MCTP1: variants seen among roughly 807,000 people sequenced by gnomAD.
MCTP1 encodes multiple C2 and transmembrane domain-containing protein 1.
Under a neutral mutation model 120.6 loss-of-function variants are expected in MCTP1, and 69 were observed. That is an observed-to-expected ratio of 0.57 (90% confidence interval 0.47 to 0.70). The LOEUF (loss-of-function observed/expected upper bound fraction) is 0.70. Among genes scored for constraint, MCTP1 ranks in the 30% least tolerant of loss-of-function variants. MCTP1 has a pLI of 0.00. For missense variants in MCTP1, 1,203 were observed against 1,248.8 expected, an observed-to-expected ratio of 0.96 and a Z score of 0.55; for synonymous variants, 529 against 493.1, an observed-to-expected ratio of 1.07 and a Z score of -0.96.
intron 12 of MCTP1, among the ~76,000 whole-genome samples, chr5:94,873,876 A>ATT (rs34390357): frequency 3.4e-5 from 5 of 146,894 alleles, no homozygotes; most frequent in South Asian, 2.2e-4. Context: ...AAAGAGCAGT[A>ATT]TTTTTTTTTT....
chr5:94,947,577 T>TATAGAGAG, intron 3 of MCTP1, among the ~76,000 whole-genome samples: 25 of 47,398 alleles, frequency 5.3e-4, no homozygotes, highest in South Asian at 2.1e-3. Context: ...TATATATATA[T>TATAGAGAG]AGAGAGAGAG....
intron 1 of MCTP1, among the ~76,000 whole-genome samples, chr5:95,092,159 T>C (rs1349413618): frequency 1.3e-5 from 2 of 152,254 alleles, no homozygotes; most frequent in East Asian, 1.9e-4. Context: ...TGTGGTTTTA[T>C]GGTTTTTTTT....
Position 95,063,401 on chromosome 5 carries a change from C to T in MCTP1, c.721-45917G>A, listed in dbSNP as rs1405265336. On this transcript the variant is annotated intron_variant, in intron 1 of 22. Transcript: ENST00000515393. The stretch of plus-strand genomic sequence containing the variant: ...ACAGTAAACAAATCCATGGTGGTGA[C>T]GTGACTATTTTCTTAAAGAACATGT... 4.6e-5 allele frequency among the ~76,000 whole-genome samples: 7 copies of T among 152,264 alleles called. No homozygotes were observed. The East Asian group carries it at 9.6e-4, about 21-fold the overall frequency.
chr5:95,218,113 G>A (rs1753243811), intron 1 of MCTP1, among the ~76,000 whole-genome samples: 1 of 152,188 alleles, frequency 6.6e-6, no homozygotes, highest in South Asian at 2.1e-4. Flanking sequence ...GATGTCAGAG[G>A]AGAACAAGAA....
At chr5:94,932,213 TAA>T (rs368203326) in intron 5 of MCTP1, among the ~76,000 whole-genome samples, 41,513 of 95,958 alleles carry the variant, frequency 0.43, 8,068 homozygotes, top group Admixed American at 0.52. Context: ...TATTCCTTTG[TAA>T]AAAAAAAAAA....
chr5:94,915,484 T>C (rs1809807469), intron 8 of MCTP1, among the ~76,000 whole-genome samples: 1 of 152,222 alleles, frequency 6.6e-6, no homozygotes, highest in Non-Finnish European at 1.5e-5. Flanking sequence ...ATATTTCAGC[T>C]TGTTGAAGAA....
chr5:95,277,271 T>G (rs1288178982), intron 1 of MCTP1, among the ~76,000 whole-genome samples: 1 of 152,122 alleles, frequency 6.6e-6, no homozygotes, highest in Non-Finnish European at 1.5e-5. Flanking sequence ...GAGCACAATA[T>G]GGCAGCCACT....
intron 2 of MCTP1, among the ~76,000 whole-genome samples, chr5:95,011,830 T>C (rs1164332765): frequency 2.0e-5 from 3 of 152,158 alleles, no homozygotes; most frequent in Non-Finnish European, 4.4e-5. Context: ...TTTGCTGAAA[T>C]TGTCCCAGCT....
chr5:94,746,926 G>A (rs990362131), intron 19 of MCTP1, among the ~76,000 whole-genome samples: 1 of 152,134 alleles, frequency 6.6e-6, no homozygotes, highest in Non-Finnish European at 1.5e-5. Context: ...AAGGCCTCTT[G>A]GGAATTCCAC....
At chr5:95,259,833 T>C in intron 1 of MCTP1, among the ~76,000 whole-genome samples, 1 of 152,208 alleles carries the variant, frequency 6.6e-6, no homozygotes. Context: ...ATATTAAGCT[T>C]ACATGTAGAA....
intron 1 of MCTP1, among the ~76,000 whole-genome samples, chr5:95,085,876 T>C (rs116640576): frequency 0.02 from 3,111 of 152,186 alleles, 40 homozygotes; most frequent in Non-Finnish European, 0.03. Flanking sequence ...TTGAGTATTT[T>C]ACCTTATTAT....
chr5:95,283,410 T>C (rs1260841286), intron 1 of MCTP1, among the ~76,000 whole-genome samples: 1 of 152,220 alleles, frequency 6.6e-6, no homozygotes, highest in Middle Eastern at 3.2e-3. Flanking sequence ...ACATGTGCCA[T>C]AATTTACCTC....
intron 18 of MCTP1, among the ~76,000 whole-genome samples, chr5:94,783,661 G>A (rs1777039093): frequency 6.6e-6 from 1 of 152,074 alleles, no homozygotes; most frequent in African/African-American, 2.4e-5. Flanking sequence ...TTATGGGATA[G>A]TGGATACTAA....
At chr5:94,888,075 A>T (rs77672762) in intron 12 of MCTP1, among the ~76,000 whole-genome samples, 1 of 152,212 alleles carries the variant, frequency 6.6e-6, no homozygotes, top group Non-Finnish European at 1.5e-5. Flanking sequence ...ATTTGCACAA[A>T]TGGTCAAGCC....
intron 17 of MCTP1, among the ~76,000 whole-genome samples, chr5:94,813,300 C>A (rs1285512882): frequency 6.6e-6 from 1 of 152,130 alleles, no homozygotes; most frequent in Non-Finnish European, 1.5e-5. Context: ...TGGCTGTAAT[C>A]AGGACAGAAA....
intron 18 of MCTP1, among the ~76,000 whole-genome samples, chr5:94,790,000 C>A (rs1314751515): frequency 6.6e-6 from 1 of 152,102 alleles, no homozygotes; most frequent in Non-Finnish European, 1.5e-5. Flanking sequence ...ATTAGACACA[C>A]AAATGGAAGA....
chr5:95,122,356 C>T lies in MCTP1; in HGVS notation c.721-104872G>A, dbSNP rs181307960. Among the ~76,000 whole-genome samples the T allele has an allele frequency of 4.1e-3, 626 of 152,210 alleles. 3 individuals are homozygous for T. The highest frequency in any genetic ancestry group is 9.3e-3 in the Admixed American group (142 of 15,302). On this transcript the variant is annotated intron_variant, in intron 1 of 22. Coordinates refer to ENST00000515393, the MANE Select transcript of MCTP1 (RefSeq NM_024717.7). ...AGACAGAAGATCTGAATAAACATGT[C>T]TCAAAAGAAGACATAAAGACTGCAA...
At chr5:95,207,928 CGAGAGA>C (rs753843212) in intron 1 of MCTP1, among the ~76,000 whole-genome samples, 15 of 84,604 alleles carry the variant, frequency 1.8e-4, no homozygotes, top group African/African-American at 5.0e-4. Context: ...AATGAGCGGG[CGAGAGA>C]GAGAGAGAGA....
rs746066347 is a variant in MCTP1 at position 94,870,528 on chromosome 5, T to C, written c.2242-37A>G. The C allele has an allele frequency of 4.4e-5, 61 of 1,384,058 alleles. No homozygotes were observed. The South Asian group carries it at 7.2e-4, about 16-fold the overall frequency. 85.7% of individuals were successfully genotyped at this position (1,384,058 alleles called of 1,614,324 possible). A position where few individuals can be genotyped will look rare whatever the true frequency, so the allele number is the denominator to read the frequency against. On this transcript the variant is annotated intron_variant, in intron 15 of 22. Transcript: ENST00000515393. ...CATATGTGTCTGTTATGGATTAATATATTACAAATGTTTACAAGTTTTTCA... is the reference window on the plus strand; with the variant it reads ...CATATGTGTCTGTTATGGATTAATACATTACAAATGTTTACAAGTTTTTCA...
Sources: allele counts gnomAD v4.1 joint callset (sites outside exome capture counted in the v4.1 genomes callset), GRCh38; gene constraint gnomAD v4.1.1; transcripts MANE v1.5; gene names NCBI Gene and HGNC (gene_info 2026-07-23, HGNC 2026-07-21).